SYN3: variants seen among roughly 807,000 people sequenced by gnomAD.
SYN3 encodes the protein synapsin III, also known as synapsin-3.
A neutral mutation model predicts 65.8 loss-of-function variants in SYN3; 35 were observed. That is an observed-to-expected ratio of 0.53 (90% CI 0.41 to 0.70). The LOEUF (loss-of-function observed/expected upper bound fraction) is 0.70, where lower values mean the gene tolerates loss of function less well. Ranked by LOEUF, SYN3 falls within the 30% of genes least tolerant of loss-of-function variation. SYN3 has a pLI of 0.00. For missense variants in SYN3, 680 were observed against 749.0 expected (o/e 0.91, Z 1.08); for synonymous variants, 270 against 292.9 (o/e 0.92, Z 0.80).
In SYN3 at chr22:32,886,659, T is replaced by A. The variant is rs150319911; in HGVS notation, c.462-17534A>T. On this transcript the variant is annotated intron_variant, in intron 4 of 13. Transcript: ENST00000358763. ...GATATACTTTCATCACCTTCACAGG[T>A]GACTTGTGTCCCTCTACTGTCAATC... Among the ~76,000 whole-genome samples, 3 of 152,358 alleles carry A rather than the reference T, an allele frequency of 2.0e-5. No individual in the cohort carries two copies. In the East Asian group the frequency reaches 5.8e-4, roughly 29 times the overall value.
intron 7 of SYN3, among the ~76,000 whole-genome samples, chr22:32,553,849 C>CA (rs2058451474): frequency 6.6e-6 from 1 of 152,162 alleles, no homozygotes; most frequent in Non-Finnish European, 1.5e-5. Flanking sequence ...TTTATCCAGG[C>CA]TCAGAATGCA....
chr22:32,736,351 G>A (rs1015223159), intron 6 of SYN3, among the ~76,000 whole-genome samples: 7 of 152,180 alleles, frequency 4.6e-5, no homozygotes, highest in Non-Finnish European at 1.0e-4. Context: ...GCAATTATGT[G>A]CAACTGGCTT....
intron 3 of SYN3, among the ~76,000 whole-genome samples, chr22:32,975,373 CAAAA>C (rs34119880): frequency 1.9e-5 from 2 of 104,246 alleles, no homozygotes; most frequent in Non-Finnish European, 4.1e-5. Context: ...GACTCCGCCT[CAAAA>C]AAAAAAAAAA....
At chr22:33,038,520 A>G (rs2053901592) in intron 1 of SYN3, among the ~76,000 whole-genome samples, 1 of 152,206 alleles carries the variant, frequency 6.6e-6, no homozygotes, top group Non-Finnish European at 1.5e-5. Flanking sequence ...CCCAGGGTCC[A>G]GACCTGCTTA....
chr22:32,678,325 A>G (rs1485088876), intron 6 of SYN3, among the ~76,000 whole-genome samples: 1 of 152,144 alleles, frequency 6.6e-6, no homozygotes, highest in African/African-American at 2.4e-5. Flanking sequence ...GGGCTCTCAG[A>G]TGTCCCTTTT....
chr22:33,050,807 ACAAGT>A (rs1183929660), intron 1 of SYN3, among the ~76,000 whole-genome samples: 5 of 152,202 alleles, frequency 3.3e-5, no homozygotes, highest in African/African-American at 1.2e-4. Context: ...ATCATCTTGG[ACAAGT>A]CACTCAACCT....
In SYN3 at chr22:33,006,635, CAGAG is replaced by C; in HGVS notation, c.24_27del (p.Ser9ThrfsTer13). The C allele has an allele frequency of 6.3e-7, 1 of 1,595,084 alleles. No homozygotes were observed. Among genetic ancestry groups the C allele is most frequent in the Non-Finnish European group, 8.5e-7 (1 of 1,169,730 alleles). On this transcript the variant is annotated frameshift_variant, in exon 2 of 14. Coordinates refer to ENST00000358763, the MANE Select transcript of SYN3 (RefSeq NM_003490.4). LOFTEE classifies it high-confidence loss of function. ...GGCAGGTTGGCCATGAAGCTGCTGT[CAGAG>C]AGACGTCGCCGGAGGAAATTCATGG...
intron 3 of SYN3, among the ~76,000 whole-genome samples, chr22:32,977,873 C>T (rs5998683): frequency 8.1e-4 from 124 of 152,214 alleles, no homozygotes; most frequent in African/African-American, 2.6e-3. Flanking sequence ...AGGCCCAGTG[C>T]TACTTAGGGT....
At chr22:32,650,874 G>A (rs974584107) in intron 6 of SYN3, among the ~76,000 whole-genome samples, 7 of 152,166 alleles carry the variant, frequency 4.6e-5, no homozygotes, top group African/African-American at 1.4e-4. Flanking sequence ...ACAATACCAA[G>A]TATTCTTATG....
At chr22:33,019,694 G>C (rs751887632) in intron 1 of SYN3, among the ~76,000 whole-genome samples, 9 of 152,178 alleles carry the variant, frequency 5.9e-5, no homozygotes, top group Non-Finnish European at 1.3e-4. Context: ...GTCTAGGCTG[G>C]AGTGCAGTGG....
At chr22:32,756,998 G>A (rs1052855372) in intron 6 of SYN3, among the ~76,000 whole-genome samples, 1 of 150,568 alleles carries the variant, frequency 6.6e-6, no homozygotes, top group African/African-American at 2.4e-5. Flanking sequence ...TGTCGGAAAT[G>A]TTTCAAATAA....
chr22:32,968,519 C>T (rs2051917125), intron 3 of SYN3, among the ~76,000 whole-genome samples: 1 of 152,204 alleles, frequency 6.6e-6, no homozygotes, highest in Non-Finnish European at 1.5e-5. Context: ...GCATGCCTTG[C>T]ACTAATAGCC....
intron 4 of SYN3, among the ~76,000 whole-genome samples, chr22:32,872,647 G>A (rs1237730988): frequency 6.6e-6 from 1 of 152,178 alleles, no homozygotes; most frequent in East Asian, 1.9e-4. Context: ...AAAGTCTAGG[G>A]TATGATGGAT....
intron 6 of SYN3, among the ~76,000 whole-genome samples, chr22:32,834,832 G>T (rs2047683051): frequency 6.6e-6 from 1 of 152,166 alleles, no homozygotes; most frequent in African/African-American, 2.4e-5. Context: ...ACCCAGAAAT[G>T]ACTGGATCCA....
At chr22:32,625,881 C>A (rs961943935) in intron 6 of SYN3, among the ~76,000 whole-genome samples, 1 of 152,182 alleles carries the variant, frequency 6.6e-6, no homozygotes, top group Non-Finnish European at 1.5e-5. Flanking sequence ...GGATCTAAGT[C>A]TTCTTGTGCA....
chr22:32,982,301 G>C (rs2052395184), intron 2 of SYN3, among the ~76,000 whole-genome samples: 1 of 151,922 alleles, frequency 6.6e-6, no homozygotes, highest in Non-Finnish European at 1.5e-5. Context: ...GTCTAATAAA[G>C]CAGTCCTCAT....
chr22:32,608,752 C>T (rs562162640), intron 6 of SYN3, among the ~76,000 whole-genome samples: 2 of 152,308 alleles, frequency 1.3e-5, no homozygotes, highest in South Asian at 4.1e-4. Flanking sequence ...GTCTCAGCTG[C>T]TTTACCTATA....
At chr22:33,032,071 G>A (rs893902390) in intron 1 of SYN3, among the ~76,000 whole-genome samples, 78 of 150,526 alleles carry the variant, frequency 5.2e-4, no homozygotes, top group South Asian at 4.2e-4. Context: ...TTAGCAGGGC[G>A]TGGTGGCGGG....
At position 32,549,245 on chromosome 22, in the gene SYN3, T is replaced by C. The variant is rs78803035; in HGVS notation, c.775-7532A>G. 2.8e-3 allele frequency among the ~76,000 whole-genome samples: 420 copies of C among 151,854 alleles called. 2 individuals carry two copies. Among genetic ancestry groups the C allele is most frequent in the African/African-American group, 8.9e-3 (370 of 41,482 alleles). ...AAAATAGGGTGCAGAATAATGAGGA[T>C]AACATGCAAGCTTTTTTTTTTTGTT... On this transcript the variant is annotated intron_variant, in intron 7 of 13. Coordinates refer to ENST00000358763, the MANE Select transcript of SYN3 (RefSeq NM_003490.4).
Sources: gnomAD v4.1 joint callset for allele counts (sites outside exome capture counted in the v4.1 genomes callset) on GRCh38, gnomAD v4.1.1 for gene constraint, MANE v1.5 for transcripts, NCBI Gene and HGNC (gene_info 2026-07-23, HGNC 2026-07-21) for gene names.